Variants in LRCH3 observed in about 807,000 individuals in gnomAD.
LRCH3 encodes DISP complex protein LRCH3.
A neutral mutation model predicts 104.5 loss-of-function variants in LRCH3; 68 were observed. The observed-to-expected ratio is 0.65, with a 90% CI of 0.54 to 0.80. The LOEUF (loss-of-function observed/expected upper bound fraction) is 0.80, where lower values mean the gene tolerates loss of function less well. Ranked by LOEUF, LRCH3 falls within the 30% of genes least tolerant of loss-of-function variation. The probability of loss-of-function intolerance (pLI) is 0.00; values close to 1 mark genes in which losing one functional copy is unlikely to be tolerated. For missense variants in LRCH3, 951 were observed against 953.9 expected (o/e 1.00, Z 0.04); for synonymous variants, 344 against 361.3 (o/e 0.95, Z 0.54).
rs560977352 is a variant in LRCH3, at chr3:197,856,350, G to T, written c.1644+1905G>T. ...TTGTCACGGTAATTTTTTTATCATG[G>T]TAGTTTTATTTGGGTGTTTATTATT... is the stretch of plus-strand genomic sequence containing the variant. On this transcript the variant is annotated intron_variant, in intron 14 of 20. Transcript: ENST00000425562. The surrounding 1 kb of genome is among the most constrained non-coding windows in gnomAD (Gnocchi z 4.2). Among the ~76,000 whole-genome samples the T allele has an allele frequency of 6.6e-5, 10 of 151,500 alleles. No individual in the cohort carries two copies. Among genetic ancestry groups the T allele is most frequent in the Non-Finnish European group, 1.3e-4 (9 of 67,714 alleles).
chr3:197,830,048 A>G (rs1446220543), intron 6 of LRCH3, among the ~76,000 whole-genome samples: 1 of 152,212 alleles, frequency 6.6e-6, no homozygotes, highest in East Asian at 1.9e-4. Flanking sequence ...AGTGACTTGA[A>G]CGCTAACTTT....
At chr3:197,865,015 G>A (rs1330814492) in intron 15 of LRCH3, among the ~76,000 whole-genome samples, 2 of 152,060 alleles carry the variant, frequency 1.3e-5, no homozygotes, top group Non-Finnish European at 2.9e-5. Context: ...AAGAGAGAGA[G>A]AGGGAGAGAG....
At chr3:197,791,717 G>A (rs1332494686) in intron 1 of LRCH3, among the ~76,000 whole-genome samples, 177 bp downstream of exon 1, 1 of 152,124 alleles carries the variant, frequency 6.6e-6, no homozygotes, top group Non-Finnish European at 1.5e-5. Flanking sequence ...CAGACCCAGA[G>A]CCTGGGGAGA....
chr3:197,864,628 A>C (rs1463550313), intron 15 of LRCH3, among the ~76,000 whole-genome samples: 1 of 150,346 alleles, frequency 6.7e-6, no homozygotes, highest in Non-Finnish European at 1.5e-5. Flanking sequence ...AAAAAACAAA[A>C]AACAAAAAAA....
intron 3 of LRCH3, 56 bp downstream of exon 3, chr3:197,817,358 G>GTATATATATATATA: frequency 1.7e-5 from 2 of 120,106 alleles, no homozygotes; most frequent in Non-Finnish European, 2.1e-5. Flanking sequence ...GTGTGTGTGT[G>GTATATATATATATA]TGTATATATA....
chr3:197,824,361 C>CT (rs35034702), intron 4 of LRCH3, among the ~76,000 whole-genome samples: 106,983 of 137,730 alleles, frequency 0.78, 42,445 homozygotes, highest in East Asian at 0.99. Context: ...CCACGCCCGG[C>CT]TTTTTTTTTT....
chr3:197,804,467 G>A (rs997224169), intron 1 of LRCH3, among the ~76,000 whole-genome samples: 2 of 152,084 alleles, frequency 1.3e-5, no homozygotes, highest in Non-Finnish European at 2.9e-5. Flanking sequence ...AAAAACCTTC[G>A]TATGTCATCC....
At chr3:197,847,034 CTGTA>C (rs1393885098) in intron 10 of LRCH3, among the ~76,000 whole-genome samples, 1 of 152,094 alleles carries the variant, frequency 6.6e-6, no homozygotes, top group Non-Finnish European at 1.5e-5. Context: ...ATAAAAATGA[CTGTA>C]TGTAAAAGGA....
chr3:197,814,363 C>T (rs1034673787), intron 1 of LRCH3, among the ~76,000 whole-genome samples: 3 of 152,244 alleles, frequency 2.0e-5, no homozygotes, highest in African/African-American at 7.2e-5. Flanking sequence ...CACTGGGTCC[C>T]TCCCACAGCG....
chr3:197,875,589 T>C (rs1712796756), intron 19 of LRCH3, 109 bp from the exon 20 acceptor site: 1 of 735,510 alleles, frequency 1.4e-6, no homozygotes, highest in African/African-American at 1.8e-5. Context: ...GGGAGGTCAA[T>C]GATACAGCGA....
At chr3:197,840,458 AAAAAACCAAAAAAAGAATATTT>A (rs1335927889) in intron 10 of LRCH3, among the ~76,000 whole-genome samples, 4 of 100,420 alleles carry the variant, frequency 4.0e-5, no homozygotes, top group African/African-American at 1.7e-4. Flanking sequence ...CTCCATCTCA[AAAAAACCAAAAAAAGAATATTT>A]TGAAAATTAG....
At chr3:197,866,267 A>G (rs1360452930) in intron 17 of LRCH3, 48 bp downstream of exon 17, 1 of 1,306,500 alleles carries the variant, frequency 7.7e-7, no homozygotes, top group African/African-American at 1.5e-5. Context: ...AGGTTTACAC[A>G]ACGACGCTAG....
chr3:197,881,827 G>A, intron 20 of LRCH3: 2 of 985,374 alleles, frequency 2.0e-6, no homozygotes, highest in Non-Finnish European at 2.4e-6. Context: ...TCAGCCTGAG[G>A]GAGGAGCATA....
intron 20 of LRCH3, chr3:197,882,750 A>T (rs115786948): frequency 0.032 from 31,775 of 985,328 alleles, 594 homozygotes; most frequent in Non-Finnish European, 0.036. Flanking sequence ...ACATTAAGGA[A>T]GCGTTTAACT....
chr3:197,805,651 T>C (rs946149147), intron 1 of LRCH3, among the ~76,000 whole-genome samples: 1 of 149,514 alleles, frequency 6.7e-6, no homozygotes, highest in Non-Finnish European at 1.5e-5. Flanking sequence ...CCTCTGATTA[T>C]TGGAGTTTTT....
chr3:197,802,794 G>C (rs909275264), intron 1 of LRCH3, among the ~76,000 whole-genome samples: 24 of 152,164 alleles, frequency 1.6e-4, no homozygotes, highest in Non-Finnish European at 3.5e-4. Context: ...AGTATTTGTT[G>C]AATGAATGGA....
chr3:197,825,768 C>T (rs766960369), intron 4 of LRCH3, among the ~76,000 whole-genome samples: 4 of 151,934 alleles, frequency 2.6e-5, no homozygotes, highest in Non-Finnish European at 5.9e-5. Context: ...CTTGAGCCAC[C>T]GCGCCCAGCT....
intron 1 of LRCH3, among the ~76,000 whole-genome samples, chr3:197,804,599 C>T (rs1035692441): frequency 4.6e-5 from 7 of 152,190 alleles, no homozygotes; most frequent in Admixed American, 1.3e-4. Context: ...ATACCAGAAA[C>T]AGGGCTCTAC....
chr3:197,806,638 G>A (rs1443431516), intron 1 of LRCH3, among the ~76,000 whole-genome samples: 4 of 151,564 alleles, frequency 2.6e-5, no homozygotes, highest in Non-Finnish European at 5.9e-5. Flanking sequence ...CAGCACTTTG[G>A]GAGACTGAGG....
Sources: allele counts gnomAD v4.1 joint callset (sites outside exome capture counted in the v4.1 genomes callset), GRCh38; gene constraint gnomAD v4.1.1; non-coding constraint Gnocchi (gnomAD v3.1); transcripts MANE v1.5; gene names NCBI Gene and HGNC (gene_info 2026-07-23, HGNC 2026-07-21).